KCNIP3: variants seen among roughly 807,000 people sequenced by gnomAD.
KCNIP3 encodes calsenilin.
In KCNIP3, 28 loss-of-function variants were observed where a neutral mutation model predicts 35.0. That is an observed-to-expected ratio of 0.80 (90% CI 0.59 to 1.10). The LOEUF is 1.10. Ranked by LOEUF, KCNIP3 falls within the 50% of genes least tolerant of loss-of-function variation. The pLI, the probability that KCNIP3 is intolerant of heterozygous loss-of-function variation, is 0.00. For synonymous variants in KCNIP3, 134 were observed against 133.8 expected, an observed-to-expected ratio of 1.00 and a Z score of -0.01; for missense variants, 295 against 338.4, an observed-to-expected ratio of 0.87 and a Z score of 1.01.
rs763659952 is a variant in KCNIP3 at position 95,310,461 on chromosome 2, C to T, written c.122C>T (p.Ala41Val). 9 of 1,604,708 alleles carry T rather than the reference C, an allele frequency of 5.6e-6. No homozygotes were observed. Among genetic ancestry groups the T allele is most frequent in the Non-Finnish European group, 7.7e-6 (9 of 1,174,956 alleles). Residue 41 changes from alanine to valine, a missense_variant, in exon 2 of 9, where the codon GCT (alanine) becomes GTT (valine). By Grantham distance (64) the Ala-to-Val change is moderately conservative (BLOSUM62 0). Coordinates refer to ENST00000295225, the MANE Select transcript of KCNIP3 (RefSeq NM_013434.5). Reference sequence around the variant, plus strand: ...CAGAGGCCGAGGCTCAGCCGCCAGGCTTTGATGAGATGCTGCCTGGTCAAG... The same window carrying T: ...CAGAGGCCGAGGCTCAGCCGCCAGGTTTTGATGAGATGCTGCCTGGTCAAG... ...KWQRPRLSRQ[A>V]LMRCCLVKWI...
chr2:95,379,305 A>T (rs1003681650), intron 5 of KCNIP3, among the ~76,000 whole-genome samples: 4 of 152,146 alleles, frequency 2.6e-5, no homozygotes, highest in Admixed American at 2.6e-4. Flanking sequence ...TCCTTTGCCT[A>T]CGGTTAACAT....
chr2:95,344,094 C>G (rs1339653181), intron 2 of KCNIP3, among the ~76,000 whole-genome samples: 13 of 152,198 alleles, frequency 8.5e-5, no homozygotes, highest in Non-Finnish European at 4.4e-5. Context: ...TCCCTAACTC[C>G]CCGCCCTGAA....
rs1260875120 is a variant in KCNIP3, at chr2:95,378,614, C to T, written c.448-2982C>T. ...AAAAAAAATTAGCTGGGCATGGTGG[C>T]GGGTGCCTATAATTCCAGCTGCTTG... On this transcript the variant is annotated intron_variant, in intron 5 of 8. Coordinates refer to ENST00000295225, the MANE Select transcript of KCNIP3 (RefSeq NM_013434.5). The surrounding 1 kb of genome is among the most constrained non-coding windows in gnomAD (Gnocchi z 4.0). Among the ~76,000 whole-genome samples the T allele has an allele frequency of 1.3e-5, 2 of 150,908 alleles. No individual in the cohort carries two copies. Among genetic ancestry groups the T allele is most frequent in the African/African-American group, 2.4e-5 (1 of 41,070 alleles).
At chr2:95,360,904 T>G in intron 2 of KCNIP3, among the ~76,000 whole-genome samples, 1 of 152,180 alleles carries the variant, frequency 6.6e-6, no homozygotes, top group East Asian at 1.9e-4. Context: ...GTGACTAAAT[T>G]TCAACATGAG....
chr2:95,333,708 G>C (rs1558766363), intron 2 of KCNIP3, among the ~76,000 whole-genome samples: 1 of 152,334 alleles, frequency 6.6e-6, no homozygotes, highest in East Asian at 1.9e-4. Flanking sequence ...ATGGTAAGCA[G>C]CAATGAATGA....
chr2:95,378,858 A>G lies in KCNIP3; in HGVS notation c.448-2738A>G, dbSNP rs1219459214. On this transcript the variant is annotated intron_variant, in intron 5 of 8. Transcript: ENST00000295225. This position sits in a 1 kb window ranked among gnomAD's most constrained non-coding sequence, Gnocchi z 4.0. ...CATATTTATATACACATATATATAC[A>G]CATATATACACACACACACATATAT... 6.7e-6 allele frequency among the ~76,000 whole-genome samples: 1 copy of G among 149,934 alleles called. No individual in the cohort carries two copies. Among genetic ancestry groups the G allele is most frequent in the African/African-American group, 2.5e-5 (1 of 40,260 alleles).
rs1490567802 is a variant in KCNIP3 at position 95,382,467 on chromosome 2, G to T, written c.646G>T (p.Glu216Ter). 1 of 1,607,116 alleles carries T rather than the reference G, an allele frequency of 6.2e-7. No individual in the cohort carries two copies. The highest frequency in any genetic ancestry group is 8.5e-7 in the Non-Finnish European group (1 of 1,177,024). The change falls in exon 7 of 9, where the codon GAG becomes TAG. Residue 216 changes from glutamate to a stop codon, truncating the protein, a stop_gained. Coordinates refer to ENST00000295225, the MANE Select transcript of KCNIP3 (RefSeq NM_013434.5). LOFTEE classifies it high-confidence loss of function. This position sits in a 1 kb window ranked among gnomAD's most constrained non-coding sequence, Gnocchi z 4.5. The stretch of plus-strand genomic sequence containing the variant: ...GGAGGACGCGCCGGCGGAGCACGTG[G>T]AGAGGTTCTTCGAGGTGAGCGAGCG... ...LREDAPAEHVERFFEKMDRNQ... is the reference protein window; with the variant it reads ...LREDAPAEHV
intron 2 of KCNIP3, among the ~76,000 whole-genome samples, chr2:95,315,156 G>C (rs932597291): frequency 9.2e-4 from 140 of 152,198 alleles, no homozygotes; most frequent in African/African-American, 3.2e-3. Flanking sequence ...ACCAGGGCAG[G>C]CCAGAGGGAA....
At position 95,330,045 on chromosome 2, in the gene KCNIP3, C is replaced by T. The variant is rs181112305; in HGVS notation, c.181+19525C>T. On this transcript the variant is annotated intron_variant, in intron 2 of 8. Coordinates refer to ENST00000295225, the MANE Select transcript of KCNIP3 (RefSeq NM_013434.5). The stretch of plus-strand genomic sequence containing the variant: ...GACCACTTCTAGGAGGGACTCAGGA[C>T]GTCCCTCACCTCCGGCCGCAGCCAC... 2.4e-3 allele frequency among the ~76,000 whole-genome samples: 373 copies of T among 152,340 alleles called. 1 individual carries two copies. The highest frequency in any genetic ancestry group is 4.0e-3 in the Non-Finnish European group (270 of 68,022).
At chr2:95,372,110 A>G (rs1450276774) in intron 2 of KCNIP3, among the ~76,000 whole-genome samples, 2 of 152,106 alleles carry the variant, frequency 1.3e-5, no homozygotes, top group Non-Finnish European at 2.9e-5. Flanking sequence ...CAGCCTTAAT[A>G]TATCTTTGTA....
At chr2:95,370,048 T>C (rs1189798907) in intron 2 of KCNIP3, among the ~76,000 whole-genome samples, 1 of 152,234 alleles carries the variant, frequency 6.6e-6, no homozygotes, top group African/African-American at 2.4e-5. Flanking sequence ...TCTTTATTTC[T>C]TTCAAAGTGT....
chr2:95,341,960 G>C (rs1034999082), intron 2 of KCNIP3, among the ~76,000 whole-genome samples: 1 of 152,204 alleles, frequency 6.6e-6, no homozygotes. Flanking sequence ...GGGCGGGGTG[G>C]AGACTGATGA....
At chr2:95,374,598 C>G (rs1680126909) in intron 3 of KCNIP3, among the ~76,000 whole-genome samples, 178 bp downstream of exon 3, 1 of 152,188 alleles carries the variant, frequency 6.6e-6, no homozygotes. Flanking sequence ...CCATGCTCCT[C>G]CCTCCGTGTC....
chr2:95,356,997 G>A (rs930861960), intron 2 of KCNIP3, among the ~76,000 whole-genome samples: 2 of 152,188 alleles, frequency 1.3e-5, no homozygotes, highest in Non-Finnish European at 2.9e-5. Context: ...CCCAGGGACT[G>A]CTGGGCCATG....
intron 2 of KCNIP3, among the ~76,000 whole-genome samples, chr2:95,325,720 CTT>C (rs563835474): frequency 1.2e-4 from 18 of 151,848 alleles, no homozygotes; most frequent in South Asian, 6.3e-4. Context: ...CAGTCATACA[CTT>C]ATACACATAC....
chr2:95,367,165 C>T lies in KCNIP3; in HGVS notation c.182-7131C>T, dbSNP rs575819771. Among the ~76,000 whole-genome samples, 89 of 151,996 alleles carry T rather than the reference C, an allele frequency of 5.9e-4. 1 individual carries two copies. Among genetic ancestry groups the T allele is most frequent in the Non-Finnish European group, 8.7e-4 (59 of 68,000 alleles). On this transcript the variant is annotated intron_variant, in intron 2 of 8. Transcript: ENST00000295225. ...GTGCGTGCCTGTAGTCCCAGTTACT[C>T]GGGAGACTGAGGCAGGAGAATCACT...
intron 2 of KCNIP3, among the ~76,000 whole-genome samples, chr2:95,354,830 C>T (rs532778648): frequency 5.8e-4 from 88 of 152,296 alleles, no homozygotes; most frequent in African/African-American, 2.0e-3. Context: ...TTGCTGGGGC[C>T]AGTGGTGATG....
At chr2:95,299,922 G>A (rs1677979511) in intron 1 of KCNIP3, among the ~76,000 whole-genome samples, 1 of 152,196 alleles carries the variant, frequency 6.6e-6, no homozygotes, top group Admixed American at 6.5e-5. Flanking sequence ...TATCTCCCTG[G>A]ACCCTCACGC....
In KCNIP3 at chr2:95,384,224, G is replaced by C. The variant is rs1464075639; in HGVS notation, c.*175G>C. The stretch of plus-strand genomic sequence containing the variant: ...CACACACAGCCATTCATCTGGGCTG[G>C]CAGAGGGGACAGAGTTCAGGGAGGG... On this transcript the variant is annotated 3_prime_UTR_variant, in exon 9 of 9. Transcript: ENST00000295225. The C allele has an allele frequency of 3.2e-6, 2 of 621,306 alleles. No individual in the cohort carries two copies. Among genetic ancestry groups the C allele is most frequent in the Non-Finnish European group, 2.9e-6 (1 of 345,040 alleles). The allele number at this position is 621,306 out of a possible 1,614,324, so 38.5% of individuals were successfully genotyped here.
Sources: gnomAD v4.1 joint callset for allele counts (sites outside exome capture counted in the v4.1 genomes callset) on GRCh38, gnomAD v4.1.1 for gene constraint, Gnocchi (gnomAD v3.1) non-coding constraint, MANE v1.5 for transcripts, NCBI Gene and HGNC (gene_info 2026-07-23, HGNC 2026-07-21) for gene names.